The following WDR70 variants were observed in gnomAD, a reference collection of about 807,000 sequenced individuals.
The protein encoded by WDR70 is WD repeat domain 70.
A neutral mutation model predicts 88.6 loss-of-function variants in WDR70; 53 were observed. That is an observed-to-expected ratio of 0.60 (90% CI 0.48 to 0.75). The LOEUF is 0.75. Among genes scored for constraint, WDR70 ranks in the 30% least tolerant of loss-of-function variants. WDR70 has a pLI of 0.00. For missense variants in WDR70, 610 were observed against 823.2 expected (o/e 0.74, Z 3.17); for synonymous variants, 280 against 270.0 (o/e 1.04, Z -0.36).
At chr5:37,698,800 G>T (rs572238697) in intron 11 of WDR70, among the ~76,000 whole-genome samples, 8 of 152,270 alleles carry the variant, frequency 5.3e-5, no homozygotes, top group South Asian at 2.1e-4. Context: ...AACTCATTCA[G>T]ATTCTCTTTA....
intron 9 of WDR70, among the ~76,000 whole-genome samples, chr5:37,594,360 A>G (rs1743634216): frequency 6.6e-6 from 1 of 152,140 alleles, no homozygotes; most frequent in Non-Finnish European, 1.5e-5. Flanking sequence ...CTTTCTACAT[A>G]TGGCTAGCCA....
At chr5:37,475,841 A>ATTT (rs1491255837) in intron 7 of WDR70, among the ~76,000 whole-genome samples, 3 of 56,472 alleles carry the variant, frequency 5.3e-5, no homozygotes, top group Non-Finnish European at 7.1e-5. Context: ...TTTGCATTAC[A>ATTT]TATTTTTTTT....
chr5:37,723,680 C>T (rs1174669189), intron 15 of WDR70: 2 of 152,238 alleles, frequency 1.3e-5, no homozygotes, highest in Admixed American at 6.5e-5. Context: ...TGGTGGGTCT[C>T]ATATGAGACC....
At chr5:37,629,244 T>C (rs1381849403) in intron 10 of WDR70, among the ~76,000 whole-genome samples, 2 of 152,220 alleles carry the variant, frequency 1.3e-5, no homozygotes, top group African/African-American at 2.4e-5. Flanking sequence ...TTGACTATGT[T>C]GGGCTCCAGA....
intron 5 of WDR70, among the ~76,000 whole-genome samples, chr5:37,413,796 A>C (rs758389594): frequency 6.6e-6 from 1 of 152,026 alleles, no homozygotes; most frequent in African/African-American, 2.4e-5. Flanking sequence ...GAAGTCTATA[A>C]AGTTGAATAA....
At chr5:37,506,905 G>T in intron 8 of WDR70, 2 of 938,838 alleles carry the variant, frequency 2.1e-6, no homozygotes, top group East Asian at 4.8e-5. Flanking sequence ...CCTCCCACTT[G>T]GTCCTCCTCC....
chr5:37,499,677 C>T (rs62359002), intron 8 of WDR70, among the ~76,000 whole-genome samples: 105 of 147,684 alleles, frequency 7.1e-4, no homozygotes, highest in Non-Finnish European at 1.2e-3. Context: ...ACGATCCTCC[C>T]ACCTCAGCTG....
chr5:37,662,290 C>T (rs1043059473), intron 10 of WDR70, among the ~76,000 whole-genome samples: 28 of 152,232 alleles, frequency 1.8e-4, no homozygotes, highest in African/African-American at 6.7e-4. Context: ...AGATTCTGAG[C>T]TTGTGGAAGT....
At position 37,392,005 on chromosome 5, in the gene WDR70, A is replaced by G; in HGVS notation, c.181A>G (p.Arg61Gly). Reference sequence around the variant, plus strand: ...TCTTTTTTTAATCTTTTCAGAAGCAAGAGAAAAAGAGGAAGAAATGAACAG... The same window carrying G: ...TCTTTTTTTAATCTTTTCAGAAGCAGGAGAAAAAGAGGAAGAAATGAACAG... ...VERSRKTLEAREKEEEMNREK... is the reference protein window; with the variant it reads ...VERSRKTLEAGEKEEEMNREK... The change falls in exon 4 of 18, where the codon AGA becomes GGA. Residue 61 changes from arginine to glycine, a missense_variant. Arg to Gly is a moderately radical substitution (Grantham distance 125, BLOSUM62 -2). Transcript: ENST00000265107. 1.9e-6 allele frequency: 3 copies of G among 1,595,472 alleles called. No individual in the cohort carries two copies. Among genetic ancestry groups the G allele is most frequent in the Non-Finnish European group, 2.6e-6 (3 of 1,175,524 alleles).
At chr5:37,673,583 A>ACCCCCCC (rs139281997) in intron 10 of WDR70, among the ~76,000 whole-genome samples, 88 of 76,238 alleles carry the variant, frequency 1.2e-3, no homozygotes, top group African/African-American at 2.1e-3. Context: ...GACTTTTCTT[A>ACCCCCCC]CCCCCCCCCC....
At chr5:37,701,028 G>A (rs749875342) in intron 11 of WDR70, 30 bp from the exon 12 acceptor site, 3 of 1,430,370 alleles carry the variant, frequency 2.1e-6, no homozygotes, top group African/African-American at 2.8e-5. Context: ...TCACTTTTCT[G>A]TCTTTTTTTT....
At position 37,643,298 on chromosome 5, in the gene WDR70, G is replaced by A. The variant is rs536151020; in HGVS notation, c.1092+38060G>A. ...TGTCAGAAATGAGTTCACTGTAGGTGTGTGGATTTATTTTGGGGTTCACTA... is the reference window on the plus strand; with the variant it reads ...TGTCAGAAATGAGTTCACTGTAGGTATGTGGATTTATTTTGGGGTTCACTA... On this transcript the variant is annotated intron_variant, in intron 10 of 17. Coordinates refer to ENST00000265107, the MANE Select transcript of WDR70 (RefSeq NM_018034.4). Among the ~76,000 whole-genome samples the A allele has an allele frequency of 1.4e-4, 22 of 152,146 alleles. No homozygotes were observed. The South Asian group carries it at 4.6e-3, about 32-fold the overall frequency.
At chr5:37,480,605 A>G (rs953741381) in intron 8 of WDR70, among the ~76,000 whole-genome samples, 1 of 152,142 alleles carries the variant, frequency 6.6e-6, no homozygotes, top group African/African-American at 2.4e-5. Context: ...TGAGAACAGC[A>G]TGGGGGAAAC....
intron 9 of WDR70, among the ~76,000 whole-genome samples, chr5:37,600,354 C>A (rs887687255): frequency 2.6e-5 from 4 of 151,872 alleles, no homozygotes; most frequent in African/African-American, 9.7e-5. Flanking sequence ...GGTGAAACCC[C>A]ATCTCTACTA....
At chr5:37,537,685 A>G (rs1741704559) in intron 9 of WDR70, among the ~76,000 whole-genome samples, 1 of 152,182 alleles carries the variant, frequency 6.6e-6, no homozygotes, top group Admixed American at 6.5e-5. Flanking sequence ...CTGGATTAAC[A>G]GGATAAACAA....
At position 37,740,917 on chromosome 5, in the gene WDR70, G is replaced by A. The variant is rs1748453987; in HGVS notation, c.1878-11569G>A. Among the ~76,000 whole-genome samples the A allele has an allele frequency of 2.0e-5, 3 of 152,220 alleles. No individual in the cohort carries two copies. In the South Asian group the frequency reaches 6.2e-4, roughly 32 times the overall value. On this transcript the variant is annotated intron_variant, in intron 17 of 17. Transcript: ENST00000265107. ...AGGTACTGCTCACTCTGGTCCACCA[G>A]CCAGTGCTGATGAGGTAAATGTAGA...
chr5:37,480,054 A>G, intron 8 of WDR70, 67 bp downstream of exon 8: 1 of 1,529,852 alleles, frequency 6.5e-7, no homozygotes. Flanking sequence ...TATTTGAGTT[A>G]TCATGTAATA....
intron 10 of WDR70, among the ~76,000 whole-genome samples, chr5:37,680,770 G>GT (rs1190009255): frequency 9.2e-5 from 14 of 152,192 alleles, no homozygotes; most frequent in Admixed American, 5.9e-4. Context: ...GTCTGTTCTT[G>GT]TACCAGTACG....
intron 10 of WDR70, among the ~76,000 whole-genome samples, chr5:37,619,282 A>G (rs1451454462): frequency 6.6e-6 from 1 of 152,058 alleles, no homozygotes; most frequent in African/African-American, 2.4e-5. Flanking sequence ...TTCTTAAAAA[A>G]AAAAAAAAAC....
Sources: allele counts gnomAD v4.1 joint callset (sites outside exome capture counted in the v4.1 genomes callset), GRCh38; gene constraint gnomAD v4.1.1; transcripts MANE v1.5; gene names NCBI Gene and HGNC (gene_info 2026-07-23, HGNC 2026-07-21).